The following ARL8B variants were observed in gnomAD, a reference collection of about 807,000 sequenced individuals.
ARL8B encodes ARF like GTPase 8B.
In ARL8B, 9 loss-of-function variants were observed where a neutral mutation model predicts 30.6. The observed-to-expected ratio is 0.29, with a 90% CI of 0.18 to 0.51. ARL8B has a LOEUF of 0.51. Among genes scored for constraint, ARL8B ranks in the 20% least tolerant of loss-of-function variants. The probability of loss-of-function intolerance (pLI) is 0.97; values close to 1 mark genes in which losing one functional copy is unlikely to be tolerated. For missense variants in ARL8B, 130 were observed against 227.2 expected, an observed-to-expected ratio of 0.57 and a Z score of 2.75; for synonymous variants, 74 against 76.0, an observed-to-expected ratio of 0.97 and a Z score of 0.14.
At chr3:5,136,378 GT>G (rs940190796) in intron 1 of ARL8B, among the ~76,000 whole-genome samples, 2 of 152,136 alleles carry the variant, frequency 1.3e-5, no homozygotes, top group South Asian at 4.1e-4. Flanking sequence ...GAAGTGTACT[GT>G]TCCATAAAAT....
intron 1 of ARL8B, among the ~76,000 whole-genome samples, chr3:5,148,435 T>G (rs2054449072): frequency 6.6e-6 from 1 of 152,200 alleles, no homozygotes. Context: ...AGCAGTTGGT[T>G]TGGCTCTCCT....
At position 5,166,197 on chromosome 3, in the gene ARL8B, C is replaced by G. The variant is rs11923215; in HGVS notation, c.124-4306C>G. Among the ~76,000 whole-genome samples, 1,389 of 151,680 alleles carry G rather than the reference C, an allele frequency of 9.2e-3. 18 individuals carry two copies. The highest frequency in any genetic ancestry group is 0.031 in the African/African-American group (1,295 of 41,346). On this transcript the variant is annotated intron_variant, in intron 1 of 6. Transcript: ENST00000256496. The stretch of plus-strand genomic sequence containing the variant: ...TGGGATTACAGGCACGCGCCACCAC[C>G]CCCAGCTAATTTTTGTATTTTTAGT...
In ARL8B at chr3:5,174,387, A is replaced by C; in HGVS notation, c.484A>C (p.Ile162Leu). Residue 162 changes from isoleucine (I) to leucine (L), a missense_variant, in exon 6 of 7, where the codon ATT becomes CTT. By Grantham distance (5) the Ile-to-Leu change is conservative. Coordinates refer to ENST00000256496, the MANE Select transcript of ARL8B (RefSeq NM_018184.3). ...IQDREICCYS[I>L]SCKEKDNIDI... Reference sequence around the variant, plus strand: ...GGATAGAGAAATTTGCTGCTATTCAATTTCTTGCAAAGAAAAGGATAATAT... The same window carrying C: ...GGATAGAGAAATTTGCTGCTATTCACTTTCTTGCAAAGAAAAGGATAATAT... 1 of 1,607,850 alleles carries C rather than the reference A, an allele frequency of 6.2e-7. No individual in the cohort carries two copies. The highest frequency in any genetic ancestry group is 8.5e-7 in the Non-Finnish European group (1 of 1,174,680).
At chr3:5,173,087 A>C (rs1425027316) in intron 4 of ARL8B, among the ~76,000 whole-genome samples, 1 of 152,186 alleles carries the variant, frequency 6.6e-6, no homozygotes, top group African/African-American at 2.4e-5. Context: ...TTTAAGTGCT[A>C]GGAAGAAAGG....
chr3:5,141,928 G>C (rs1340867287), intron 1 of ARL8B, among the ~76,000 whole-genome samples: 3 of 152,172 alleles, frequency 2.0e-5, no homozygotes, highest in Admixed American at 6.5e-5. Context: ...CCACAGAAGA[G>C]TGCTGACTCA....
intron 1 of ARL8B, among the ~76,000 whole-genome samples, chr3:5,149,521 A>C (rs535951784): frequency 6.6e-6 from 1 of 152,358 alleles, no homozygotes; most frequent in East Asian, 1.9e-4. Context: ...CTCCTAGCAC[A>C]CAAGTCCCTC....
rs574426360 is a variant in ARL8B, at chr3:5,125,901, A to G, written c.123+3313A>G. On this transcript the variant is annotated intron_variant, in intron 1 of 6. Coordinates refer to ENST00000256496, the MANE Select transcript of ARL8B (RefSeq NM_018184.3). ...GGGTAGCTTCAGTTAAGAAAAAAAA[A>G]GTCACAAAGATAAGGTGATGGATGT... 7.9e-5 allele frequency among the ~76,000 whole-genome samples: 12 copies of G among 152,324 alleles called. No homozygotes were observed. The South Asian group carries it at 2.5e-3, about 32-fold the overall frequency.
At chr3:5,171,344 AATTTT>A (rs1231024018) in intron 2 of ARL8B, among the ~76,000 whole-genome samples, 18 of 152,164 alleles carry the variant, frequency 1.2e-4, no homozygotes, top group East Asian at 9.7e-4. Flanking sequence ...TGCATAAAAT[AATTTT>A]ATTTTATTTT....
rs1272429733 is a variant in ARL8B, at chr3:5,179,376, G to C, written c.*663G>C. 1 of 152,228 alleles carries C rather than the reference G, an allele frequency of 6.6e-6. No homozygotes were observed. The highest frequency in any genetic ancestry group is 2.4e-5 in the African/African-American group (1 of 41,436). The allele number at this position is 152,228 out of a possible 1,614,324, so 9.4% of individuals were successfully genotyped here. A position where few individuals can be genotyped will look rare whatever the true frequency, so the allele number is the denominator to read the frequency against. On this transcript the variant is annotated 3_prime_UTR_variant, in exon 7 of 7. Transcript: ENST00000256496. Reference sequence around the variant, plus strand: ...ATATTAAAGATATCCTGCTTTCTGAGAACTCTATCACCAGATGGCAGTTGG... The same window carrying C: ...ATATTAAAGATATCCTGCTTTCTGACAACTCTATCACCAGATGGCAGTTGG...
Position 5,130,186 on chromosome 3 carries a change from A to AT in ARL8B, c.123+7598_123+7599insT, listed in dbSNP as rs1405313987. ...ACCAAGGTCATATTCTCTTAAAAAAAAATATATATTTTTTTTTTGTAGAGA... is the reference window on the plus strand; with the variant it reads ...ACCAAGGTCATATTCTCTTAAAAAAATAATATATATTTTTTTTTTGTAGAGA... On this transcript the variant is annotated intron_variant, in intron 1 of 6. Coordinates refer to ENST00000256496, the MANE Select transcript of ARL8B (RefSeq NM_018184.3). Among the ~76,000 whole-genome samples, 907 of 122,344 alleles carry AT rather than the reference A, an allele frequency of 7.4e-3. 3 individuals are homozygous for AT. Among genetic ancestry groups the AT allele is most frequent in the African/African-American group, 0.022 (535 of 24,046 alleles). The allele number at this position is 122,344 out of a possible 152,430, so 80.3% of individuals were successfully genotyped here.
intron 6 of ARL8B, among the ~76,000 whole-genome samples, chr3:5,176,368 T>C (rs1176132857): frequency 6.6e-6 from 1 of 152,126 alleles, no homozygotes; most frequent in Non-Finnish European, 1.5e-5. Context: ...GTAGCTGGGA[T>C]TACAGTTGCC....
At chr3:5,165,617 G>T (rs1458849916) in intron 1 of ARL8B, among the ~76,000 whole-genome samples, 1 of 151,968 alleles carries the variant, frequency 6.6e-6, no homozygotes, top group Non-Finnish European at 1.5e-5. Flanking sequence ...ATTTCATTCT[G>T]TCTTCACAAA....
At chr3:5,128,729 T>G in intron 1 of ARL8B, 1 of 191,102 alleles carries the variant, frequency 5.2e-6, no homozygotes, top group Non-Finnish European at 1.1e-5. Context: ...GTGAAAAGAA[T>G]AGTATAAGGT....
chr3:5,153,611 C>T (rs570835122), intron 1 of ARL8B, among the ~76,000 whole-genome samples: 1 of 152,112 alleles, frequency 6.6e-6, no homozygotes, highest in South Asian at 2.1e-4. Context: ...ACACCAATGT[C>T]GAATTTTACC....
chr3:5,125,268 G>A (rs1034588427), intron 1 of ARL8B, among the ~76,000 whole-genome samples: 8 of 152,254 alleles, frequency 5.3e-5, no homozygotes, highest in Non-Finnish European at 1.2e-4. Context: ...GATGGTAACT[G>A]TTGTTATTTG....
chr3:5,123,916 C>G (rs1194322713), intron 1 of ARL8B, among the ~76,000 whole-genome samples: 2 of 152,198 alleles, frequency 1.3e-5, no homozygotes, highest in Non-Finnish European at 2.9e-5. Flanking sequence ...CTTTGTCCCC[C>G]AGGCTGGAGT....
chr3:5,135,408 G>C (rs2054315724), intron 1 of ARL8B, among the ~76,000 whole-genome samples: 1 of 151,506 alleles, frequency 6.6e-6, no homozygotes, highest in East Asian at 1.9e-4. Flanking sequence ...GCCTCCCTAA[G>C]TGCTGAGATT....
chr3:5,145,499 G>A (rs574708477), intron 1 of ARL8B, among the ~76,000 whole-genome samples: 120 of 152,156 alleles, frequency 7.9e-4, no homozygotes, highest in Non-Finnish European at 1.6e-3. Flanking sequence ...GGATCAAGAA[G>A]CTTGGAGACA....
At chr3:5,160,894 A>G (rs2054574284) in intron 1 of ARL8B, among the ~76,000 whole-genome samples, 1 of 152,240 alleles carries the variant, frequency 6.6e-6, no homozygotes, top group Non-Finnish European at 1.5e-5. Flanking sequence ...CTGACAGGAT[A>G]AATAAAACTT....
Sources: gnomAD v4.1 joint callset for allele counts (sites outside exome capture counted in the v4.1 genomes callset) on GRCh38, gnomAD v4.1.1 for gene constraint, MANE v1.5 for transcripts, NCBI Gene and HGNC (gene_info 2026-07-23, HGNC 2026-07-21) for gene names.